DCC: variants seen among roughly 807,000 people sequenced by gnomAD.
DCC encodes DCC netrin 1 receptor.
DCC carries 58 observed loss-of-function variants against 172.5 expected under a neutral mutation model. The ratio of observed to expected loss-of-function variants is 0.34; its 90% CI spans 0.27 to 0.42. The LOEUF (loss-of-function observed/expected upper bound fraction) is 0.42. DCC is among the 10% of genes least tolerant of loss of function. DCC has a pLI of 1.00. For synonymous variants in DCC, 709 were observed against 644.5 expected (o/e 1.10, Z -1.52); for missense variants, 1,740 against 1,791.0 (o/e 0.97, Z 0.51).
chr18:52,544,869 A>G (rs1225546084), intron 1 of DCC, among the ~76,000 whole-genome samples: 1 of 152,194 alleles, frequency 6.6e-6, no homozygotes, highest in Non-Finnish European at 1.5e-5. Context: ...TTTCCACCTG[A>G]GTTATAACCA....
At chr18:52,952,126 GTGATC>G (rs66983288) in intron 5 of DCC, among the ~76,000 whole-genome samples, 3,126 of 152,238 alleles carry the variant, frequency 0.021, 52 homozygotes, top group Middle Eastern at 0.054. Context: ...TTCATAAAAT[GTGATC>G]TTTCATATTC....
chr18:52,894,970 G>A (rs567746063), intron 2 of DCC, among the ~76,000 whole-genome samples: 4 of 152,174 alleles, frequency 2.6e-5, no homozygotes, highest in African/African-American at 9.7e-5. Context: ...AAGGTGACAC[G>A]TAGAATTAGT....
At chr18:52,719,532 A>C (rs1243067029) in intron 1 of DCC, among the ~76,000 whole-genome samples, 1 of 151,956 alleles carries the variant, frequency 6.6e-6, no homozygotes, top group Non-Finnish European at 1.5e-5. Context: ...CTGAGTGTAG[A>C]GCAGCAAAAT....
At chr18:52,757,887 A>G (rs2037100531) in intron 2 of DCC, among the ~76,000 whole-genome samples, 1 of 152,124 alleles carries the variant, frequency 6.6e-6, no homozygotes, top group Non-Finnish European at 1.5e-5. Context: ...GATAGTCTAA[A>G]TCCAGATGCA....
intron 2 of DCC, among the ~76,000 whole-genome samples, chr18:52,832,092 C>T (rs2038625024): frequency 6.6e-6 from 1 of 152,184 alleles, no homozygotes; most frequent in African/African-American, 2.4e-5. Flanking sequence ...GCCATGCTTG[C>T]AGCATGATCA....
chr18:53,103,146 A>T (rs557492632), intron 7 of DCC, among the ~76,000 whole-genome samples: 8 of 152,094 alleles, frequency 5.3e-5, no homozygotes, highest in South Asian at 2.1e-4. Flanking sequence ...ACCATGCAAA[A>T]TTCCGTGGTA....
intron 1 of DCC, among the ~76,000 whole-genome samples, chr18:52,734,309 C>T (rs1041200915): frequency 7.2e-5 from 11 of 152,184 alleles, no homozygotes; most frequent in South Asian, 6.2e-4. Context: ...ATGATCCTAG[C>T]GATCACTCTA....
chr18:52,921,244 T>G (rs1292427828), intron 3 of DCC, among the ~76,000 whole-genome samples: 2 of 152,180 alleles, frequency 1.3e-5, no homozygotes, highest in Non-Finnish European at 2.9e-5. Context: ...TGTAAGATGT[T>G]TGTAATAGGA....
At chr18:53,345,561 A>G (rs1339977301) in intron 15 of DCC, among the ~76,000 whole-genome samples, 1 of 152,146 alleles carries the variant, frequency 6.6e-6, no homozygotes, top group Non-Finnish European at 1.5e-5. Context: ...GACATTTCTT[A>G]TGCTTTTCAT....
intron 9 of DCC, among the ~76,000 whole-genome samples, chr18:53,184,200 T>G (rs1267693226): frequency 6.6e-6 from 1 of 152,086 alleles, no homozygotes; most frequent in East Asian, 1.9e-4. Context: ...CTCTGCTACT[T>G]TCTCCCTAAT....
At chr18:52,901,590 G>C (rs1470255359) in intron 2 of DCC, among the ~76,000 whole-genome samples, 1 of 152,096 alleles carries the variant, frequency 6.6e-6, no homozygotes, top group Non-Finnish European at 1.5e-5. Flanking sequence ...GTTTATAATG[G>C]CATAAATGAT....
intron 21 of DCC, among the ~76,000 whole-genome samples, chr18:53,427,953 TAA>T (rs57156473): frequency 1.1e-3 from 44 of 40,020 alleles, no homozygotes; most frequent in Non-Finnish European, 2.0e-3. Flanking sequence ...TTATAATATA[TAA>T]TATAATAATA....
At chr18:52,763,512 C>G (rs1465055554) in intron 2 of DCC, among the ~76,000 whole-genome samples, 1 of 152,150 alleles carries the variant, frequency 6.6e-6, no homozygotes, top group Non-Finnish European at 1.5e-5. Context: ...TATGTCCCAG[C>G]CCAGGAGTGG....
chr18:53,334,261 C>T (rs1447431339), intron 14 of DCC, among the ~76,000 whole-genome samples: 4 of 152,158 alleles, frequency 2.6e-5, no homozygotes, highest in African/African-American at 9.7e-5. Context: ...CACTTCACAC[C>T]TCCATTCCTG....
At chr18:52,546,676 T>TCAG (rs1454145564) in intron 1 of DCC, among the ~76,000 whole-genome samples, 5 of 152,014 alleles carry the variant, frequency 3.3e-5, no homozygotes, top group Admixed American at 2.6e-4. Flanking sequence ...ATCATCATCA[T>TCAG]CATCATCATC....
intron 7 of DCC, among the ~76,000 whole-genome samples, chr18:53,073,407 C>G (rs932778490): frequency 7.2e-5 from 11 of 151,980 alleles, no homozygotes; most frequent in African/African-American, 2.7e-4. Flanking sequence ...TGCCTATAGT[C>G]CCAGCTACTT....
At chr18:53,094,551 A>G (rs900087474) in intron 7 of DCC, among the ~76,000 whole-genome samples, 1 of 152,242 alleles carries the variant, frequency 6.6e-6, no homozygotes, top group African/African-American at 2.4e-5. Flanking sequence ...TTGGACTGCA[A>G]ATTATAGCAT....
At chr18:53,428,325 A>ATAT (rs372360846) in intron 21 of DCC, among the ~76,000 whole-genome samples, 29,375 of 55,998 alleles carry the variant, frequency 0.52, 8,543 homozygotes, top group South Asian at 0.59. Context: ...ATATAATATA[A>ATAT]TATAATATAT....
At chr18:52,695,744 G>C (rs1040235747) in intron 1 of DCC, among the ~76,000 whole-genome samples, 3 of 152,142 alleles carry the variant, frequency 2.0e-5, no homozygotes, top group African/African-American at 7.2e-5. Context: ...TTTCAAGAAA[G>C]GTTCTTCTCC....
Sources: gnomAD v4.1 joint callset for allele counts (sites outside exome capture counted in the v4.1 genomes callset) on GRCh38, gnomAD v4.1.1 for gene constraint, MANE v1.5 for transcripts, NCBI Gene and HGNC (gene_info 2026-07-23, HGNC 2026-07-21) for gene names.